The following LRRTM4 variants were observed in gnomAD, a reference collection of about 807,000 sequenced individuals.
LRRTM4 encodes the protein leucine-rich repeat transmembrane neuronal protein 4.
A neutral mutation model predicts 47.6 loss-of-function variants in LRRTM4; 25 were observed. That is an observed-to-expected ratio of 0.53 (90% CI 0.38 to 0.73). LRRTM4 has a LOEUF of 0.73. LRRTM4 is among the 30% of genes least tolerant of loss of function. LRRTM4 has a pLI of 0.00. For missense variants in LRRTM4, 638 were observed against 713.4 expected (o/e 0.89, Z 1.20); for synonymous variants, 311 against 269.5 (o/e 1.15, Z -1.51).
chr2:77,264,568 A>C (rs934575367), intron 3 of LRRTM4, among the ~76,000 whole-genome samples: 4 of 152,132 alleles, frequency 2.6e-5, no homozygotes, highest in African/African-American at 9.7e-5. Flanking sequence ...AGACAACTTA[A>C]AGAATTCAGG....
At chr2:76,887,625 C>T (rs953520719) in intron 3 of LRRTM4, among the ~76,000 whole-genome samples, 26 of 149,264 alleles carry the variant, frequency 1.7e-4, no homozygotes, top group African/African-American at 5.9e-4. Context: ...ATATGATACA[C>T]ACTGTATATG....
At chr2:77,136,603 G>A (rs1431162467) in intron 3 of LRRTM4, among the ~76,000 whole-genome samples, 1 of 152,284 alleles carries the variant, frequency 6.6e-6, no homozygotes, top group South Asian at 2.1e-4. Context: ...CTCCTCGCTA[G>A]GAAAAGAACA....
At chr2:77,503,877 T>C (rs988277900) in intron 3 of LRRTM4, among the ~76,000 whole-genome samples, 2 of 151,746 alleles carry the variant, frequency 1.3e-5, no homozygotes, top group South Asian at 4.1e-4. Flanking sequence ...TTTTAAAAAA[T>C]TATAAAATGT....
intron 3 of LRRTM4, among the ~76,000 whole-genome samples, chr2:77,162,812 C>T (rs1672768508): frequency 6.6e-6 from 1 of 152,102 alleles, no homozygotes; most frequent in Non-Finnish European, 1.5e-5. Flanking sequence ...CACCAAAACC[C>T]CATCTGTATG....
At chr2:77,343,225 T>C (rs781484622) in intron 3 of LRRTM4, among the ~76,000 whole-genome samples, 2 of 151,934 alleles carry the variant, frequency 1.3e-5, no homozygotes, top group Non-Finnish European at 2.9e-5. Flanking sequence ...TTTTTTTCCG[T>C]AGAAAATGGA....
chr2:77,435,536 C>T (rs967382256), intron 3 of LRRTM4, among the ~76,000 whole-genome samples: 31 of 152,010 alleles, frequency 2.0e-4, no homozygotes, highest in African/African-American at 7.5e-4. Context: ...AAAATAAACC[C>T]AACATTTGTT....
At chr2:77,010,900 C>A (rs1004437296) in intron 3 of LRRTM4, among the ~76,000 whole-genome samples, 1 of 152,044 alleles carries the variant, frequency 6.6e-6, no homozygotes, top group Non-Finnish European at 1.5e-5. Flanking sequence ...TTTACTTCAC[C>A]ATTCTTAACA....
intron 3 of LRRTM4, among the ~76,000 whole-genome samples, chr2:77,148,054 C>A (rs1389360394): frequency 6.6e-6 from 1 of 152,072 alleles, no homozygotes; most frequent in Non-Finnish European, 1.5e-5. Context: ...TGATCAAAGC[C>A]CTCAATAACA....
intron 3 of LRRTM4, chr2:77,517,708 A>AAG (rs1553454108): frequency 1.0e-6 from 1 of 971,980 alleles, no homozygotes; most frequent in Admixed American, 6.2e-5. Flanking sequence ...AAAAAAAAAA[A>AAG]GAAAGAAGCC....
chr2:77,423,497 A>T (rs1007154533), intron 3 of LRRTM4, among the ~76,000 whole-genome samples: 4 of 152,124 alleles, frequency 2.6e-5, no homozygotes, highest in African/African-American at 9.7e-5. Flanking sequence ...TACATAATGA[A>T]AAGTTCAGGG....
intron 3 of LRRTM4, among the ~76,000 whole-genome samples, chr2:76,865,403 T>A (rs1672436813): frequency 6.6e-6 from 1 of 152,216 alleles, no homozygotes; most frequent in Non-Finnish European, 1.5e-5. Flanking sequence ...ATGGCCCACC[T>A]AGCTCAATGG....
chr2:77,182,270 A>G (rs1163033478), intron 3 of LRRTM4, among the ~76,000 whole-genome samples: 1 of 152,192 alleles, frequency 6.6e-6, no homozygotes, highest in Non-Finnish European at 1.5e-5. Context: ...TGTCCTTTAC[A>G]GGGAAATGGA....
intron 3 of LRRTM4, among the ~76,000 whole-genome samples, chr2:76,996,065 C>A (rs1677192619): frequency 6.6e-6 from 1 of 151,966 alleles, no homozygotes; most frequent in South Asian, 2.1e-4. Flanking sequence ...AAATCACCAA[C>A]AGGAAACTAT....
chr2:77,379,398 T>C (rs890020995), intron 3 of LRRTM4, among the ~76,000 whole-genome samples: 25 of 152,078 alleles, frequency 1.6e-4, no homozygotes, highest in Admixed American at 1.3e-4. Context: ...ACAAAGAAAA[T>C]ATACAACTAC....
At chr2:77,497,821 T>C (rs955757608) in intron 3 of LRRTM4, among the ~76,000 whole-genome samples, 15 of 151,626 alleles carry the variant, frequency 9.9e-5, no homozygotes, top group Non-Finnish European at 1.8e-4. Context: ...TTGTGATATC[T>C]GAGTTAGGAC....
At chr2:77,220,531 C>T (rs1001025628) in intron 3 of LRRTM4, among the ~76,000 whole-genome samples, 10 of 152,118 alleles carry the variant, frequency 6.6e-5, no homozygotes, top group Non-Finnish European at 1.5e-4. Context: ...GAGCTGAAAA[C>T]CACAGCACCA....
At chr2:77,172,244 C>T (rs1287309345) in intron 3 of LRRTM4, among the ~76,000 whole-genome samples, 1 of 152,136 alleles carries the variant, frequency 6.6e-6, no homozygotes. Flanking sequence ...AATACATATT[C>T]ACCACAATGT....
chr2:77,207,142 T>TTATA (rs35745580), intron 3 of LRRTM4, among the ~76,000 whole-genome samples: 6,603 of 136,698 alleles, frequency 0.048, 343 homozygotes, highest in African/African-American at 0.13. Flanking sequence ...TATTTTATAT[T>TTATA]TATATATATA....
chr2:76,801,790 T>A (rs530809161), intron 3 of LRRTM4, among the ~76,000 whole-genome samples: 2 of 152,166 alleles, frequency 1.3e-5, no homozygotes, highest in Non-Finnish European at 2.9e-5. Flanking sequence ...AAATGAGATT[T>A]ATGCCTAGGA....
Sources: allele counts gnomAD v4.1 joint callset (sites outside exome capture counted in the v4.1 genomes callset), GRCh38; gene constraint gnomAD v4.1.1; transcripts MANE v1.5; gene names NCBI Gene and HGNC (gene_info 2026-07-23, HGNC 2026-07-21).